Variants in ARHGAP20 observed in about 807,000 individuals in gnomAD.
ARHGAP20 encodes Rho GTPase activating protein 20, also known as rho GTPase-activating protein 20.
In ARHGAP20, 34 loss-of-function variants were observed where a neutral mutation model predicts 73.7. The observed-to-expected ratio is 0.46, with a 90% CI of 0.35 to 0.61. ARHGAP20 has a LOEUF of 0.61. ARHGAP20 is among the 20% of genes least tolerant of loss of function. The pLI is 0.00. For missense variants in ARHGAP20, 1,314 were observed against 1,420.9 expected, an observed-to-expected ratio of 0.92 and a Z score of 1.21; for synonymous variants, 523 against 518.2, an observed-to-expected ratio of 1.01 and a Z score of -0.13.
intron 7 of ARHGAP20, among the ~76,000 whole-genome samples, chr11:110,609,900 A>C (rs563584703): frequency 4.7e-4 from 71 of 152,264 alleles, no homozygotes; most frequent in African/African-American, 1.6e-3. Context: ...AATGTGTTGT[A>C]AATAGGAAGG....
rs1478726704 is a variant in ARHGAP20 at position 110,577,267 on chromosome 11, T to C, written c.*2103A>G. The stretch of plus-strand genomic sequence containing the variant: ...AAGCATCAGTCTAATATATTATAGA[T>C]TGATGGAGTATAATAAAATGACATA... On this transcript the variant is annotated 3_prime_UTR_variant, in exon 15 of 15. Coordinates refer to ENST00000683387, the MANE Select transcript of ARHGAP20 (RefSeq NM_001384657.1). 1.4e-6 allele frequency: 2 copies of C among 1,415,440 alleles called. No homozygotes were observed. Among genetic ancestry groups the C allele is most frequent in the Non-Finnish European group, 1.8e-6 (2 of 1,081,278 alleles). The allele number at this position is 1,415,440 out of a possible 1,614,324, so 87.7% of individuals were successfully genotyped here.
intron 1 of ARHGAP20, among the ~76,000 whole-genome samples, chr11:110,702,640 T>C (rs1261538239): frequency 3.9e-5 from 6 of 152,298 alleles, no homozygotes; most frequent in Admixed American, 2.0e-4. Flanking sequence ...GAAAACTCCA[T>C]TGTCTCAGCC....
intron 2 of ARHGAP20, among the ~76,000 whole-genome samples, chr11:110,656,249 C>G (rs1013788095): frequency 2.6e-5 from 4 of 152,004 alleles, no homozygotes; most frequent in African/African-American, 9.7e-5. Flanking sequence ...GGTGGGAGCA[C>G]GTGGGATTCT....
At chr11:110,707,024 G>C (rs762487582) in intron 1 of ARHGAP20, among the ~76,000 whole-genome samples, 1 of 152,084 alleles carries the variant, frequency 6.6e-6, no homozygotes, top group Non-Finnish European at 1.5e-5. Flanking sequence ...TTAGCCCTTG[G>C]GGGTGTTCTA....
rs1196152171 is a variant in ARHGAP20 at position 110,606,628 on chromosome 11, G to T, written c.897C>A (p.Leu299=). ...NLQEPFLMEQ[L]PREMQCQFIL... ...TGAACTGGCACTGCATCTCTCGGGG[G>T]AGCTGTTCCATAAGGAAGGGCTCCT... The change falls in exon 9 of 15, where the codon CTC becomes CTA. Residue 299 remains leucine (L), a synonymous_variant. Transcript: ENST00000683387. 3.1e-6 allele frequency: 5 copies of T among 1,612,596 alleles called. No homozygotes were observed. The highest frequency in any genetic ancestry group is 2.2e-5 in the East Asian group (1 of 44,818).
At position 110,666,368 on chromosome 11, in the gene ARHGAP20, A is replaced by G. The variant is rs1412230375; in HGVS notation, c.188+24179T>C. Among the ~76,000 whole-genome samples, 3 of 152,212 alleles carry G rather than the reference A, an allele frequency of 2.0e-5. No homozygotes were observed. The East Asian group carries it at 5.8e-4, about 29-fold the overall frequency. On this transcript the variant is annotated intron_variant, in intron 2 of 14. Coordinates refer to ENST00000683387, the MANE Select transcript of ARHGAP20 (RefSeq NM_001384657.1). ...ATTGTCAAGCTGATTCACAAAATAT[A>G]TGAAAGCTTATAGGACCTAAAATAG...
rs544791523 is a variant in ARHGAP20, at chr11:110,644,939, C to G, written c.189-14147G>C. Among the ~76,000 whole-genome samples, 4 of 152,102 alleles carry G rather than the reference C, an allele frequency of 2.6e-5. No individual in the cohort carries two copies. The East Asian group carries it at 7.7e-4, about 29-fold the overall frequency. On this transcript the variant is annotated intron_variant, in intron 2 of 14. Coordinates refer to ENST00000683387, the MANE Select transcript of ARHGAP20 (RefSeq NM_001384657.1). ...AATCTATAAGAAACAAACAAATCAACAAACAAAATCAAATAACCCCATTAA... is the reference window on the plus strand; with the variant it reads ...AATCTATAAGAAACAAACAAATCAAGAAACAAAATCAAATAACCCCATTAA...
chr11:110,688,593 T>C (rs1183040115), intron 2 of ARHGAP20, among the ~76,000 whole-genome samples: 1 of 152,054 alleles, frequency 6.6e-6, no homozygotes, highest in Admixed American at 6.6e-5. Flanking sequence ...GTTTCCTCTA[T>C]CCACCTCCCC....
chr11:110,619,509 T>A (rs914683039), intron 4 of ARHGAP20, among the ~76,000 whole-genome samples: 1 of 151,116 alleles, frequency 6.6e-6, no homozygotes, highest in African/African-American at 2.4e-5. Flanking sequence ...TATGTAGTGA[T>A]AGGGTATATG....
intron 9 of ARHGAP20, among the ~76,000 whole-genome samples, chr11:110,594,415 G>C (rs1428083981): frequency 2.0e-5 from 3 of 152,152 alleles, no homozygotes; most frequent in Non-Finnish European, 2.9e-5. Flanking sequence ...GGATTGTATA[G>C]GATAATCTAT....
At chr11:110,620,680 G>GT (rs1948609734) in intron 4 of ARHGAP20, among the ~76,000 whole-genome samples, 1 of 151,940 alleles carries the variant, frequency 6.6e-6, no homozygotes, top group Non-Finnish European at 1.5e-5. Context: ...AATTATTATA[G>GT]TTTTTTAAAA....
At chr11:110,617,821 A>G (rs553509840) in intron 4 of ARHGAP20, among the ~76,000 whole-genome samples, 1 of 152,202 alleles carries the variant, frequency 6.6e-6, no homozygotes, top group Admixed American at 6.5e-5. Context: ...AAATACTTAA[A>G]CCCATTAAAA....
At chr11:110,608,087 A>T (rs755572251) in intron 8 of ARHGAP20, among the ~76,000 whole-genome samples, 1 of 152,152 alleles carries the variant, frequency 6.6e-6, no homozygotes, top group Non-Finnish European at 1.5e-5. Flanking sequence ...TTGGTTTTAG[A>T]TTACTAAGGT....
chr11:110,711,688 A>G, intron 1 of ARHGAP20: 1 of 1,453,410 alleles, frequency 6.9e-7, no homozygotes, highest in Non-Finnish European at 9.0e-7. Context: ...GCTCCCGGGC[A>G]GACATCGCCG....
At chr11:110,599,092 A>G (rs1011269906) in intron 9 of ARHGAP20, among the ~76,000 whole-genome samples, 3 of 152,174 alleles carry the variant, frequency 2.0e-5, no homozygotes, top group African/African-American at 7.2e-5. Context: ...CACCCAAGTC[A>G]TGGCTGCAGA....
chr11:110,584,587 G>A (rs1947571004), intron 12 of ARHGAP20, among the ~76,000 whole-genome samples: 1 of 151,818 alleles, frequency 6.6e-6, no homozygotes, highest in Non-Finnish European at 1.5e-5. Context: ...AAGATTACTG[G>A]GTGTATTCAA....
intron 2 of ARHGAP20, among the ~76,000 whole-genome samples, chr11:110,642,462 T>C (rs1380170787): frequency 6.6e-6 from 1 of 152,132 alleles, no homozygotes; most frequent in Non-Finnish European, 1.5e-5. Flanking sequence ...ATATATTCCT[T>C]TGATACCGAG....
chr11:110,702,710 G>GA (rs1206642550), intron 1 of ARHGAP20, among the ~76,000 whole-genome samples: 2 of 152,110 alleles, frequency 1.3e-5, no homozygotes, highest in African/African-American at 4.8e-5. Context: ...ATCAATGTGT[G>GA]AAAATCACAA....
chr11:110,661,329 C>T (rs1445321639), intron 2 of ARHGAP20, among the ~76,000 whole-genome samples: 1 of 152,006 alleles, frequency 6.6e-6, no homozygotes, highest in Admixed American at 6.6e-5. Flanking sequence ...GGGGGAAAAA[C>T]AGCAGGAGGA....
Sources: allele counts gnomAD v4.1 joint callset (sites outside exome capture counted in the v4.1 genomes callset), GRCh38; gene constraint gnomAD v4.1.1; transcripts MANE v1.5; gene names NCBI Gene and HGNC (gene_info 2026-07-23, HGNC 2026-07-21).